Variants in NKTR observed in about 807,000 individuals in gnomAD.
NKTR encodes the protein NK-tumor recognition protein.
A neutral mutation model predicts 156.3 loss-of-function variants in NKTR; 67 were observed. The observed-to-expected ratio is 0.43, with a 90% CI of 0.35 to 0.53. NKTR has a LOEUF of 0.53. Ranked by LOEUF, NKTR falls within the 20% of genes least tolerant of loss-of-function variation. NKTR has a pLI of 0.01. For missense variants in NKTR, 1,604 were observed against 1,730.9 expected (o/e 0.93, Z 1.30); for synonymous variants, 640 against 596.6 (o/e 1.07, Z -1.06).
chr3:42,619,334 T>A (rs1707696629), intron 4 of NKTR: 1 of 1,282,340 alleles, frequency 7.8e-7, no homozygotes, highest in African/African-American at 1.5e-5. Flanking sequence ...TTTTATGCAG[T>A]TTATTTTATT....
At chr3:42,610,180 T>A (rs1706639829) in intron 2 of NKTR, among the ~76,000 whole-genome samples, 1 of 152,090 alleles carries the variant, frequency 6.6e-6, no homozygotes, top group Admixed American at 6.6e-5. Context: ...AATTTTGTAT[T>A]TTTAGTAGAG....
At position 42,636,989 on chromosome 3, in the gene NKTR, A is replaced by G; in HGVS notation, c.1285A>G (p.Lys429Glu). 1 of 1,613,494 alleles carries G rather than the reference A, an allele frequency of 6.2e-7. No homozygotes were observed. ...AGCAAGACACTCTGGCCACCATAAA[A>G]AACGCAGAAAAGAAAAAAAGGTTAA... is the stretch of plus-strand genomic sequence containing the variant. Reference protein sequence around the residue: ...STARHSGHHKKRRKEKKVKHK... With the variant: ...STARHSGHHKERRKEKKVKHK... Residue 429 changes from lysine to glutamate, a missense_variant, in exon 13 of 17, where the codon AAA becomes GAA. Transcript: ENST00000232978.
At chr3:42,603,578 C>A (rs1398262351) in intron 2 of NKTR, among the ~76,000 whole-genome samples, 1 of 151,776 alleles carries the variant, frequency 6.6e-6, no homozygotes, top group Non-Finnish European at 1.5e-5. Context: ...GTGATTAGCA[C>A]TCTTGAGAAC....
chr3:42,628,661 A>G (rs186604033), intron 6 of NKTR: 803 of 985,414 alleles, frequency 8.1e-4, no homozygotes, highest in Admixed American at 1.2e-3. Context: ...TTTTACTTCT[A>G]AATATTTGGG....
intron 2 of NKTR, among the ~76,000 whole-genome samples, chr3:42,605,617 A>T (rs1706158077): frequency 6.6e-6 from 1 of 152,198 alleles, no homozygotes; most frequent in African/African-American, 2.4e-5. Context: ...AAATTAAACT[A>T]AACTTTAGAC....
At chr3:42,645,552 C>T (rs1010984073) in intron 16 of NKTR, among the ~76,000 whole-genome samples, 26 of 152,092 alleles carry the variant, frequency 1.7e-4, no homozygotes, top group Non-Finnish European at 2.4e-4. Flanking sequence ...GGCGTGGTGG[C>T]GGGCACCTGT....
chr3:42,628,299 A>C, intron 6 of NKTR: 1 of 985,406 alleles, frequency 1.0e-6, no homozygotes, highest in Non-Finnish European at 1.2e-6. Flanking sequence ...TGTTTTCTGC[A>C]CTACTGCTAT....
chr3:42,642,435 G>A, intron 13 of NKTR, 66 bp from the exon 14 acceptor site: 2 of 1,219,324 alleles, frequency 1.6e-6, no homozygotes, highest in South Asian at 1.2e-5. Context: ...TGCCCTACCA[G>A]TAATTAATTT....
Position 42,646,007 on chromosome 3 carries a change from T to G in NKTR, c.*32T>G. The G allele has an allele frequency of 6.7e-7, 1 of 1,490,846 alleles. No individual in the cohort carries two copies. Among genetic ancestry groups the G allele is most frequent in the Non-Finnish European group, 9.3e-7 (1 of 1,071,070 alleles). The allele number at this position is 1,490,846 out of a possible 1,614,324, so 92.4% of individuals were successfully genotyped here. On this transcript the variant is annotated 3_prime_UTR_variant, in exon 17 of 17. Transcript: ENST00000232978. ...CCGGATACAAATTATATCTTATTTG[T>G]AAATATCTGGCAACTTAGCTTAAGA... is the stretch of plus-strand genomic sequence containing the variant.
intron 6 of NKTR, among the ~76,000 whole-genome samples, chr3:42,624,456 AAAG>A (rs1708192148): frequency 6.6e-6 from 1 of 152,052 alleles, no homozygotes; most frequent in South Asian, 2.1e-4. Context: ...TTTTTAGGTT[AAAG>A]AATAGGAAGA....
At position 42,619,583 on chromosome 3, in the gene NKTR, G is replaced by A. The variant is rs531694891; in HGVS notation, c.242-81G>A. The A allele has an allele frequency of 4.6e-4, 737 of 1,589,474 alleles. 6 individuals are homozygous for A. In the East Asian group the frequency reaches 0.016, roughly 34 times the overall value. On this transcript the variant is annotated intron_variant, in intron 4 of 16. Coordinates refer to ENST00000232978, the MANE Select transcript of NKTR (RefSeq NM_005385.4). ...ATAACATTCCAAGGTTTCCTTCAGC[G>A]AATTGAAGCTATCAAAAATGATTTC...
At position 42,600,784 on chromosome 3, in the gene NKTR, G is replaced by T; in HGVS notation, c.-24+6G>T. 1 of 380,908 alleles carries T rather than the reference G, an allele frequency of 2.6e-6. No individual in the cohort carries two copies. Among genetic ancestry groups the T allele is most frequent in the Non-Finnish European group, 4.7e-6 (1 of 211,468 alleles). 23.6% of individuals were successfully genotyped at this position (380,908 alleles called of 1,614,324 possible). A position where few individuals can be genotyped will look rare whatever the true frequency, so the allele number is the denominator to read the frequency against. On this transcript the variant is annotated splice_donor_region_variant and intron_variant, in intron 1 of 16. Coordinates refer to ENST00000232978, the MANE Select transcript of NKTR (RefSeq NM_005385.4). ...TCAGGCTGGAGGCCAGCCAGGTGAA[G>T]AGCTCGCCCGCATGCGTGCGCGCTG...
rs763934060 is a variant in NKTR, at chr3:42,637,300, C to T, written c.1596C>T (p.Ser532=). Residue 532 remains serine, a synonymous_variant, in exon 13 of 17, where the codon AGC becomes AGT. Coordinates refer to ENST00000232978, the MANE Select transcript of NKTR (RefSeq NM_005385.4). ...KSHSQSYSRG[S]SRSRTASKSS... Reference sequence around the variant, plus strand: ...ACTCACAGTCTTATTCTAGAGGAAGCTCAAGATCAAGGACTGCGTCAAAGT... The same window carrying T: ...ACTCACAGTCTTATTCTAGAGGAAGTTCAAGATCAAGGACTGCGTCAAAGT... 10 of 1,614,100 alleles carry T rather than the reference C, an allele frequency of 6.2e-6. No individual in the cohort carries two copies. Among genetic ancestry groups the T allele is most frequent in the Non-Finnish European group, 8.5e-6 (10 of 1,180,006 alleles).
At position 42,643,929 on chromosome 3, in the gene NKTR, C is replaced by A; in HGVS notation, c.4227C>A (p.Ser1409Arg). 1 of 1,613,836 alleles carries A rather than the reference C, an allele frequency of 6.2e-7. No homozygotes were observed. Among genetic ancestry groups the A allele is most frequent in the Non-Finnish European group, 8.5e-7 (1 of 1,179,818 alleles). ...CCTACACCTACGATAGCTACTATAG[C>A]AGGAGTCGGAGTCGAAGTAGAAGCC... is the stretch of plus-strand genomic sequence containing the variant. ...SRSYTYDSYY[S>R]RSRSRSRSQR... is the part of the protein sequence containing the mutation. The change falls in exon 16 of 17, where the codon AGC (serine) becomes AGA (arginine). Residue 1409 changes from serine to arginine, a missense_variant. By Grantham distance (110) the Ser-to-Arg change is moderately radical. Coordinates refer to ENST00000232978, the MANE Select transcript of NKTR (RefSeq NM_005385.4).
At chr3:42,627,272 C>T (rs1708476134) in intron 6 of NKTR, 1 of 984,712 alleles carries the variant, frequency 1.0e-6, no homozygotes, top group Non-Finnish European at 1.2e-6. Flanking sequence ...TTGCCTTTAT[C>T]TCTTTAATTC....
intron 1 of NKTR, 61 bp downstream of exon 1, chr3:42,600,839 G>C: frequency 2.3e-6 from 1 of 442,412 alleles, no homozygotes; most frequent in Non-Finnish European, 3.9e-6. Flanking sequence ...GGGGCGGGAG[G>C]GGGCCTCGTC....
At chr3:42,626,057 A>G (rs1195384910) in intron 6 of NKTR, among the ~76,000 whole-genome samples, 1 of 152,098 alleles carries the variant, frequency 6.6e-6, no homozygotes, top group East Asian at 1.9e-4. Flanking sequence ...CTTCCCTGAC[A>G]GTGTGATAGT....
rs1253822946 is a variant in NKTR at position 42,639,710 on chromosome 3, C to T, written c.4006C>T (p.His1336Tyr). The T allele has an allele frequency of 1.2e-6, 2 of 1,612,192 alleles. No individual in the cohort carries two copies. The highest frequency in any genetic ancestry group is 1.7e-6 in the Non-Finnish European group (2 of 1,179,330). ...RHRTRSVSYS[H>Y]SRSRSRSSTS... Reference sequence around the variant, plus strand: ...CAGAACAAGGTCTGTCTCCTATAGTCACTCAAGAAGTCGATCGAGAAGTTC... The same window carrying T: ...CAGAACAAGGTCTGTCTCCTATAGTTACTCAAGAAGTCGATCGAGAAGTTC... The change falls in exon 13 of 17, where the codon CAC (histidine) becomes TAC (tyrosine). Residue 1336 changes from histidine to tyrosine, a missense_variant. Around this residue, in one of 6 missense-constraint regions of NKTR, gnomAD observed 193 missense variants for 220.2 expected, o/e 0.88. Coordinates refer to ENST00000232978, the MANE Select transcript of NKTR (RefSeq NM_005385.4).
intron 2 of NKTR, among the ~76,000 whole-genome samples, chr3:42,608,504 G>A (rs183226104): frequency 7.9e-4 from 121 of 152,264 alleles, no homozygotes; most frequent in African/African-American, 2.7e-3. Flanking sequence ...TGGACATGTC[G>A]CCCTCCCTCA....
Sources: allele counts gnomAD v4.1 joint callset (sites outside exome capture counted in the v4.1 genomes callset), GRCh38; gene constraint gnomAD v4.1.1; regional missense constraint gnomAD v4.1.1; transcripts MANE v1.5; gene names NCBI Gene and HGNC (gene_info 2026-07-23, HGNC 2026-07-21).